Variants in ELF1 observed in about 807,000 individuals in gnomAD.
The protein encoded by ELF1 is E74 like ETS transcription factor 1, also known as ETS-related transcription factor Elf-1.
Under a neutral mutation model 59.9 loss-of-function variants are expected in ELF1, and 24 were observed. That is an observed-to-expected ratio of 0.40 (90% confidence interval 0.29 to 0.56). The LOEUF is 0.56. Ranked by LOEUF, ELF1 falls within the 20% of genes least tolerant of loss-of-function variation. The pLI, the probability that ELF1 is intolerant of heterozygous loss-of-function variation, is 0.44. For missense variants in ELF1, 627 were observed against 742.2 expected, an observed-to-expected ratio of 0.84 and a Z score of 1.80; for synonymous variants, 248 against 266.2, an observed-to-expected ratio of 0.93 and a Z score of 0.67.
intron 2 of ELF1, among the ~76,000 whole-genome samples, chr13:40,968,381 A>C (rs945950708): frequency 1.6e-4 from 25 of 152,230 alleles, no homozygotes; most frequent in Non-Finnish European, 7.3e-5. Flanking sequence ...ACAAATCCCC[A>C]TGGCACATTT....
chr13:40,958,974 C>T lies in ELF1; in HGVS notation c.115G>A (p.Val39Ile), dbSNP rs1871634348. The T allele has an allele frequency of 6.2e-7, 1 of 1,613,144 alleles. No homozygotes were observed. Among genetic ancestry groups the T allele is most frequent in the Non-Finnish European group, 8.5e-7 (1 of 1,179,586 alleles). ...AIFPAVIVEH[V>I]PGADILNSYA... Reference sequence around the variant, plus strand: ...CTATTGAGAATATCAGCACCAGGAACATGTTCCACAATTACGGCAGGAAAA... The same window carrying T: ...CTATTGAGAATATCAGCACCAGGAATATGTTCCACAATTACGGCAGGAAAA... The change falls in exon 3 of 9, where the codon GTT becomes ATT. Residue 39 changes from valine to isoleucine, a missense_variant. Val to Ile is a conservative substitution (Grantham distance 29, BLOSUM62 3). Transcript: ENST00000239882.
At chr13:40,987,709 G>A (rs1459926989) in intron 1 of ELF1, among the ~76,000 whole-genome samples, 1 of 152,040 alleles carries the variant, frequency 6.6e-6, no homozygotes, top group African/African-American at 2.4e-5. Context: ...TGACGTGGTT[G>A]AATGACTTCT....
chr13:40,976,781 A>G (rs1566177776), intron 2 of ELF1, among the ~76,000 whole-genome samples: 1 of 148,380 alleles, frequency 6.7e-6, no homozygotes, highest in Non-Finnish European at 1.5e-5. Context: ...CTCATGTGAT[A>G]TACACCACCC....
chr13:41,060,519 G>T (rs1195956639), intron 1 of ELF1, among the ~76,000 whole-genome samples: 2 of 152,190 alleles, frequency 1.3e-5, no homozygotes, highest in Admixed American at 1.3e-4. Flanking sequence ...CCGGAGGCGG[G>T]AGGGAGAAGG....
chr13:41,003,108 T>C (rs1053676295), intron 1 of ELF1, among the ~76,000 whole-genome samples: 2 of 152,186 alleles, frequency 1.3e-5, no homozygotes, highest in African/African-American at 2.4e-5. Flanking sequence ...ACATGATGCA[T>C]GTACTTGCTT....
chr13:40,947,104 G>A (rs1469848157), intron 5 of ELF1, among the ~76,000 whole-genome samples: 19 of 148,992 alleles, frequency 1.3e-4, no homozygotes, highest in African/African-American at 4.2e-4. Flanking sequence ...CAGCCTGGGT[G>A]AGAGAACGAG....
At position 40,934,672 on chromosome 13, in the gene ELF1, G is replaced by A. The variant is rs147373394; in HGVS notation, c.1257-644C>T. On this transcript the variant is annotated intron_variant, in intron 8 of 8. Coordinates refer to ENST00000239882, the MANE Select transcript of ELF1 (RefSeq NM_172373.4). ...TGACCTCAGGTGATCCACCCGCCTC[G>A]GCCTCCCAAAGTGCTGGGATTATAG... Among the ~76,000 whole-genome samples the A allele has an allele frequency of 8.8e-3, 1,331 of 152,038 alleles. 27 individuals carry two copies. The highest frequency in any genetic ancestry group is 0.031 in the African/African-American group (1,282 of 41,486).
At chr13:41,017,347 C>T (rs1875465794) in intron 1 of ELF1, among the ~76,000 whole-genome samples, 1 of 152,080 alleles carries the variant, frequency 6.6e-6, no homozygotes, top group South Asian at 2.1e-4. Context: ...CCATTAGGTA[C>T]TGCATGACCT....
At chr13:40,952,343 A>G (rs1048209052) in intron 3 of ELF1, among the ~76,000 whole-genome samples, 2 of 148,062 alleles carry the variant, frequency 1.4e-5, no homozygotes, top group African/African-American at 4.9e-5. Context: ...AAATTTCATA[A>G]AATCATTAAA....
At chr13:41,022,861 C>G (rs1264476923), upstream of ELF1, among the ~76,000 whole-genome samples, 1 of 152,072 alleles carries the variant, frequency 6.6e-6, no homozygotes, top group African/African-American at 2.4e-5. Context: ...CCTGGGTGAC[C>G]AAGCAAGACT....
intron 1 of ELF1, among the ~76,000 whole-genome samples, chr13:41,016,876 T>C (rs1191770227): frequency 1.7e-5 from 2 of 118,622 alleles, no homozygotes; most frequent in African/African-American, 6.6e-5. Flanking sequence ...ATTGCACCAT[T>C]GCACTCCAGC....
chr13:40,968,730 T>C, intron 2 of ELF1, among the ~76,000 whole-genome samples: 1 of 151,878 alleles, frequency 6.6e-6, no homozygotes, highest in Admixed American at 6.6e-5. Context: ...TCTTTTTTTT[T>C]TTTTTTTTAG....
intron 1 of ELF1, among the ~76,000 whole-genome samples, chr13:40,989,239 A>G (rs924441284): frequency 8.5e-5 from 13 of 152,332 alleles, no homozygotes; most frequent in African/African-American, 2.2e-4. Context: ...GAATAGTCAT[A>G]CTTTCTCAGC....
chr13:40,993,030 AG>A (rs1343330443), intron 1 of ELF1: 27 of 1,570,474 alleles, frequency 1.7e-5, no homozygotes, highest in Admixed American at 3.3e-5. Flanking sequence ...TTCTGTTCAG[AG>A]GAACTCTCTG....
intron 1 of ELF1, among the ~76,000 whole-genome samples, chr13:41,026,566 G>C (rs139734583): frequency 1.3e-5 from 2 of 152,148 alleles, no homozygotes; most frequent in Non-Finnish European, 2.9e-5. Context: ...TCACAGCACA[G>C]GCCTGTAGGA....
chr13:40,993,096 G>A (rs1331959605), intron 1 of ELF1: 1 of 1,607,310 alleles, frequency 6.2e-7, no homozygotes, highest in Admixed American at 1.7e-5. Flanking sequence ...TTGAGACCAG[G>A]GCAAGACTTC....
chr13:41,002,555 CT>C (rs11331219), intron 1 of ELF1, among the ~76,000 whole-genome samples: 145,360 of 146,420 alleles, frequency 0.99, 72,164 homozygotes, highest in Middle Eastern at 1. Context: ...GTTAGAGCCA[CT>C]TGCACTCCAC....
intron 1 of ELF1, among the ~76,000 whole-genome samples, chr13:41,024,439 T>A (rs1281443487): frequency 6.6e-6 from 1 of 152,132 alleles, no homozygotes; most frequent in Non-Finnish European, 1.5e-5. Context: ...TCCTCCCACC[T>A]CAGCCTCCTG....
rs528809000 is a variant in ELF1 at position 40,939,167 on chromosome 13, A to G, written c.1256+1754T>C. Among the ~76,000 whole-genome samples the G allele has an allele frequency of 3.9e-5, 6 of 152,224 alleles. No individual in the cohort carries two copies. In the East Asian group the frequency reaches 1.2e-3, roughly 29 times the overall value. On this transcript the variant is annotated intron_variant, in intron 8 of 8. Coordinates refer to ENST00000239882, the MANE Select transcript of ELF1 (RefSeq NM_172373.4). ...AAGTAAAACCCCATTTCTACAAAAA[A>G]TTAAAAAATTAGCTGGACATGCCTG... is the stretch of plus-strand genomic sequence containing the variant.
Sources: gnomAD v4.1 joint callset for allele counts (sites outside exome capture counted in the v4.1 genomes callset) on GRCh38, gnomAD v4.1.1 for gene constraint, MANE v1.5 for transcripts, NCBI Gene and HGNC (gene_info 2026-07-23, HGNC 2026-07-21) for gene names.